The following DLGAP2 variants were observed in gnomAD, a reference collection of about 807,000 sequenced individuals.
The protein encoded by DLGAP2 is disks large-associated protein 2.
A neutral mutation model predicts 100.3 loss-of-function variants in DLGAP2; 26 were observed. That is an observed-to-expected ratio of 0.26 (90% confidence interval 0.19 to 0.36). The LOEUF is 0.36. Among genes scored for constraint, DLGAP2 ranks in the 10% least tolerant of loss-of-function variants. The pLI is 1.00. For missense variants in DLGAP2, 1,858 were observed against 1,453.2 expected (o/e 1.28, Z -4.53); for synonymous variants, 886 against 630.1 (o/e 1.41, Z -6.08).
At chr8:1,700,241 T>G (rs964554871) in intron 14 of DLGAP2, among the ~76,000 whole-genome samples, 3 of 152,086 alleles carry the variant, frequency 2.0e-5, no homozygotes, top group African/African-American at 7.2e-5. Context: ...AAGACATGAG[T>G]GGAGTTTTCC....
intron 2 of DLGAP2, chr8:1,019,835 C>T (rs968703775): frequency 1.3e-5 from 2 of 152,328 alleles, no homozygotes; most frequent in South Asian, 2.1e-4. Context: ...GAGCTTGAGG[C>T]AGAGCCACTG....
chr8:967,923 T>G (rs1799920616), intron 2 of DLGAP2, among the ~76,000 whole-genome samples: 1 of 138,668 alleles, frequency 7.2e-6, no homozygotes, highest in Non-Finnish European at 1.5e-5. Flanking sequence ...AGGTGTTTTC[T>G]TCATGATGAC....
intron 3 of DLGAP2, among the ~76,000 whole-genome samples, chr8:1,373,465 C>A (rs1017397554): frequency 6.6e-6 from 1 of 152,184 alleles, no homozygotes; most frequent in Non-Finnish European, 1.5e-5. Context: ...GGCCGAGACC[C>A]GAATCCGGGA....
At chr8:1,009,440 G>T (rs1801213407) in intron 2 of DLGAP2, among the ~76,000 whole-genome samples, 1 of 152,194 alleles carries the variant, frequency 6.6e-6, no homozygotes, top group African/African-American at 2.4e-5. Context: ...TTGTTATTCA[G>T]AGTTAATACC....
At chr8:1,211,482 A>G (rs7824806) in intron 2 of DLGAP2, among the ~76,000 whole-genome samples, 11,388 of 152,338 alleles carry the variant, frequency 0.075, 809 homozygotes, top group African/African-American at 0.19. Flanking sequence ...ATTTCCCAAC[A>G]ATGATATAAA....
chr8:907,999 A>G (rs568391739), intron 2 of DLGAP2, 33 bp downstream of exon 2: 54 of 398,784 alleles, frequency 1.4e-4, no homozygotes, highest in Non-Finnish European at 2.0e-4. Flanking sequence ...ATTTGGGATT[A>G]TATGTTTCGT....
At chr8:1,127,279 C>T (rs1796189472) in intron 2 of DLGAP2, among the ~76,000 whole-genome samples, 1 of 151,768 alleles carries the variant, frequency 6.6e-6, no homozygotes. Context: ...TGGGGTGACT[C>T]CAGGTCGGGT....
intron 6 of DLGAP2, among the ~76,000 whole-genome samples, chr8:1,574,513 C>T (rs1802884301): frequency 6.6e-6 from 1 of 152,150 alleles, no homozygotes; most frequent in African/African-American, 2.4e-5. Context: ...AGCAGAATCT[C>T]CCCTCGGTGA....
chr8:763,297 C>G (rs1821132958), intron 1 of DLGAP2, among the ~76,000 whole-genome samples: 2 of 152,192 alleles, frequency 1.3e-5, no homozygotes, highest in African/African-American at 4.8e-5. Context: ...GTTAAGGACG[C>G]ACATCGTATT....
At chr8:896,987 A>G (rs1233381829) in intron 1 of DLGAP2, among the ~76,000 whole-genome samples, 2 of 152,168 alleles carry the variant, frequency 1.3e-5, no homozygotes, top group Non-Finnish European at 2.9e-5. Flanking sequence ...TTACATCTGT[A>G]ACAGGCTTTG....
At chr8:996,199 A>C (rs1225156088) in intron 2 of DLGAP2, among the ~76,000 whole-genome samples, 2 of 152,212 alleles carry the variant, frequency 1.3e-5, no homozygotes, top group Non-Finnish European at 2.9e-5. Context: ...CTCTCTGGCT[A>C]GACCAAAGCC....
rs149091002 is a variant in DLGAP2, at chr8:926,016, C to T, written c.73+18050C>T. On this transcript the variant is annotated intron_variant, in intron 2 of 14. Coordinates refer to ENST00000637795, the MANE Select transcript of DLGAP2 (RefSeq NM_001346810.2). ...CTCAGTGAGTAACTCACTTGGGCTC[C>T]GGGCCGCTCGGGGGCACAGAGCAGG... 1.9e-3 allele frequency among the ~76,000 whole-genome samples: 291 copies of T among 152,250 alleles called. 1 individual carries two copies. The highest frequency in any genetic ancestry group is 6.3e-3 in the African/African-American group (260 of 41,542).
intron 1 of DLGAP2, among the ~76,000 whole-genome samples, chr8:776,165 T>C (rs1821510229): frequency 6.6e-6 from 1 of 150,942 alleles, no homozygotes; most frequent in South Asian, 2.1e-4. Context: ...TCTCTGATGG[T>C]AGTTTGTATT....
Position 1,665,753 on chromosome 8 carries a change from C to T in DLGAP2, c.1811-2576C>T, listed in dbSNP as rs151307203. Among the ~76,000 whole-genome samples, 838 of 152,354 alleles carry T rather than the reference C, an allele frequency of 5.5e-3. 7 individuals carry two copies. The highest frequency in any genetic ancestry group is 0.019 in the African/African-American group (777 of 41,588). Reference sequence around the variant, plus strand: ...GCGCAGCGGACACCGGGCCTGCCTTCGGCCAGAGCCGTAGAATCTGAAGAC... The same window carrying T: ...GCGCAGCGGACACCGGGCCTGCCTTTGGCCAGAGCCGTAGAATCTGAAGAC... On this transcript the variant is annotated intron_variant, in intron 8 of 14. Transcript: ENST00000637795.
At chr8:1,200,455 A>G (rs903946470) in intron 2 of DLGAP2, among the ~76,000 whole-genome samples, 4 of 152,172 alleles carry the variant, frequency 2.6e-5, no homozygotes, top group African/African-American at 4.8e-5. Context: ...TCACACTGCG[A>G]TGCTTGTTCC....
intron 2 of DLGAP2, among the ~76,000 whole-genome samples, chr8:1,023,939 T>C (rs1801703609): frequency 6.7e-6 from 1 of 148,530 alleles, no homozygotes; most frequent in South Asian, 2.1e-4. Flanking sequence ...CGGCTGCTGC[T>C]TTCTAAGTGT....
intron 1 of DLGAP2, among the ~76,000 whole-genome samples, chr8:770,098 C>T (rs1325960242): frequency 6.6e-6 from 1 of 152,170 alleles, no homozygotes; most frequent in Admixed American, 6.5e-5. Flanking sequence ...TCTAGATGAT[C>T]TTATCACAGG....
rs568059883 is a variant in DLGAP2 at position 1,141,185 on chromosome 8, C to T, written c.74-117666C>T. On this transcript the variant is annotated intron_variant, in intron 2 of 14. Transcript: ENST00000637795. Reference sequence around the variant, plus strand: ...AGGGGCTTTTACGTGGGGGCTGGGTCATGACTTCCAAAGCAGATGTGGGAG... The same window carrying T: ...AGGGGCTTTTACGTGGGGGCTGGGTTATGACTTCCAAAGCAGATGTGGGAG... Among the ~76,000 whole-genome samples the T allele has an allele frequency of 5.9e-5, 9 of 152,214 alleles. No homozygotes were observed. The East Asian group carries it at 1.5e-3, about 26-fold the overall frequency.
intron 2 of DLGAP2, among the ~76,000 whole-genome samples, chr8:1,057,744 G>C (rs1403606536): frequency 6.6e-6 from 1 of 152,146 alleles, no homozygotes; most frequent in Non-Finnish European, 1.5e-5. Context: ...TATGTTCATT[G>C]ATACTAACAC....
Sources: gnomAD v4.1 joint callset for allele counts (sites outside exome capture counted in the v4.1 genomes callset) on GRCh38, gnomAD v4.1.1 for gene constraint, MANE v1.5 for transcripts, NCBI Gene and HGNC (gene_info 2026-07-23, HGNC 2026-07-21) for gene names.